Variants in FGF7 observed in about 807,000 individuals in gnomAD.
The protein encoded by FGF7 is FGF-7.
Under a neutral mutation model 20.5 loss-of-function variants are expected in FGF7, and 6 were observed. The observed-to-expected ratio is 0.29, with a 90% confidence interval of 0.16 to 0.58. The LOEUF (loss-of-function observed/expected upper bound fraction) is 0.58, where lower values mean the gene tolerates loss of function less well. Among genes scored for constraint, FGF7 ranks in the 20% least tolerant of loss-of-function variants. The probability of loss-of-function intolerance (pLI) is 0.90; values close to 1 mark genes in which losing one functional copy is unlikely to be tolerated. For synonymous variants in FGF7, 64 were observed against 74.7 expected, an observed-to-expected ratio of 0.86 and a Z score of 0.74; for missense variants, 144 against 228.8, an observed-to-expected ratio of 0.63 and a Z score of 2.39.
At chr15:49,435,508 T>C (rs2051022836) in intron 2 of FGF7, among the ~76,000 whole-genome samples, 1 of 151,574 alleles carries the variant, frequency 6.6e-6, no homozygotes, top group South Asian at 2.1e-4. Context: ...GATATGTCTT[T>C]GTTTTTGCAA....
chr15:49,454,852 G>A (rs1208247806), intron 2 of FGF7, among the ~76,000 whole-genome samples: 3 of 152,004 alleles, frequency 2.0e-5, no homozygotes, highest in Non-Finnish European at 2.9e-5. Context: ...CTCGTGATCC[G>A]CTCGCCTCGG....
chr15:49,444,413 A>C (rs1031139637), intron 2 of FGF7, among the ~76,000 whole-genome samples: 2 of 151,816 alleles, frequency 1.3e-5, no homozygotes, highest in African/African-American at 4.8e-5. Flanking sequence ...AAAGTAAAAA[A>C]GAATATAGAT....
intron 2 of FGF7, among the ~76,000 whole-genome samples, chr15:49,444,961 T>C (rs1445283441): frequency 4.6e-5 from 7 of 151,638 alleles, no homozygotes; most frequent in African/African-American, 1.7e-4. Flanking sequence ...TTAGAACAAA[T>C]ATTCATGTAT....
intron 2 of FGF7, among the ~76,000 whole-genome samples, chr15:49,433,187 C>A (rs974817556): frequency 6.6e-6 from 1 of 151,426 alleles, no homozygotes; most frequent in Non-Finnish European, 1.5e-5. Flanking sequence ...CAATACAGAG[C>A]CAGTAATGGT....
At chr15:49,455,649 AT>A (rs762267798) in intron 2 of FGF7, among the ~76,000 whole-genome samples, 7 of 152,178 alleles carry the variant, frequency 4.6e-5, no homozygotes, top group Non-Finnish European at 1.0e-4. Context: ...AATGTCCTAT[AT>A]TTCTAAACAG....
In FGF7 at chr15:49,455,039, G is replaced by A. The variant is rs569454615; in HGVS notation, c.287-28112G>A. Reference sequence around the variant, plus strand: ...CCTAAACAGCAGTATGATTTAAAGTGTAGTTGGGGGATCACCTGTATTAGG... The same window carrying A: ...CCTAAACAGCAGTATGATTTAAAGTATAGTTGGGGGATCACCTGTATTAGG... On this transcript the variant is annotated intron_variant, in intron 2 of 3. Transcript: ENST00000267843. Among the ~76,000 whole-genome samples the A allele has an allele frequency of 9.1e-4, 138 of 152,306 alleles. 5 individuals are homozygous for A. The South Asian group carries it at 0.027, about 30-fold the overall frequency.
In FGF7 at chr15:49,424,422, C is replaced by G. The variant is rs895834784; in HGVS notation, c.125C>G (p.Thr42Arg). 3 of 1,613,580 alleles carry G rather than the reference C, an allele frequency of 1.9e-6. No individual in the cohort carries two copies. Among genetic ancestry groups the G allele is most frequent in the Non-Finnish European group, 2.5e-6 (3 of 1,179,712 alleles). Reference protein sequence around the residue: ...CNDMTPEQMATNVNCSSPERH... With the variant: ...CNDMTPEQMARNVNCSSPERH... Reference sequence around the variant, plus strand: ...GACATGACTCCAGAGCAAATGGCTACAAATGTGAACTGTTCCAGCCCTGAG... The same window carrying G: ...GACATGACTCCAGAGCAAATGGCTAGAAATGTGAACTGTTCCAGCCCTGAG... Residue 42 changes from threonine to arginine, a missense_variant, in exon 2 of 4, where the codon ACA becomes AGA. This residue lies in a region of FGF7 where 88 missense variants were observed against 103.4 expected (regional missense o/e 0.85). Transcript: ENST00000267843.
At chr15:49,430,565 T>G (rs2050518372) in intron 2 of FGF7, among the ~76,000 whole-genome samples, 1 of 151,814 alleles carries the variant, frequency 6.6e-6, no homozygotes, top group South Asian at 2.1e-4. Context: ...GAAAAGAAAT[T>G]TATTCTTCAC....
At chr15:49,479,325 T>C (rs2152002047) in intron 2 of FGF7, among the ~76,000 whole-genome samples, 1 of 152,268 alleles carries the variant, frequency 6.6e-6, no homozygotes, top group Middle Eastern at 3.4e-3. Flanking sequence ...TGCATCTATG[T>C]AATATGCTTT....
intron 2 of FGF7, among the ~76,000 whole-genome samples, chr15:49,426,526 A>C (rs2050146190): frequency 6.6e-6 from 1 of 151,954 alleles, no homozygotes; most frequent in Non-Finnish European, 1.5e-5. Context: ...CAATATCTTC[A>C]ACTGGAATAC....
At chr15:49,442,455 T>C (rs2051753605) in intron 2 of FGF7, among the ~76,000 whole-genome samples, 1 of 151,752 alleles carries the variant, frequency 6.6e-6, no homozygotes, top group Non-Finnish European at 1.5e-5. Context: ...ATTACTGTTA[T>C]GATTTTCTCC....
chr15:49,450,027 G>C (rs375630289), intron 2 of FGF7, among the ~76,000 whole-genome samples: 14 of 152,204 alleles, frequency 9.2e-5, no homozygotes, highest in African/African-American at 3.4e-4. Flanking sequence ...GCATGAGCCC[G>C]TAAGGAATGG....
intron 3 of FGF7, among the ~76,000 whole-genome samples, chr15:49,483,527 A>T (rs2056140440): frequency 6.6e-6 from 1 of 152,026 alleles, no homozygotes; most frequent in African/African-American, 2.4e-5. Context: ...TTCCATGTGC[A>T]TTTTAGATAT....
chr15:49,428,396 A>G (rs962156132), intron 2 of FGF7, among the ~76,000 whole-genome samples: 1 of 152,048 alleles, frequency 6.6e-6, no homozygotes, highest in African/African-American at 2.4e-5. Context: ...CAGAAGAAGA[A>G]GAGCATTGAG....
chr15:49,432,230 A>G (rs1307738701), intron 2 of FGF7, among the ~76,000 whole-genome samples: 3 of 151,734 alleles, frequency 2.0e-5, no homozygotes, highest in African/African-American at 7.2e-5. Flanking sequence ...GACCAAATTC[A>G]GAATGAACTC....
At chr15:49,428,286 G>T (rs1277433317) in intron 2 of FGF7, among the ~76,000 whole-genome samples, 1 of 151,964 alleles carries the variant, frequency 6.6e-6, no homozygotes, top group African/African-American at 2.4e-5. Context: ...TCCAGGTGAT[G>T]AAACTAGTAT....
intron 2 of FGF7, among the ~76,000 whole-genome samples, chr15:49,462,042 C>G (rs1380206989): frequency 3.9e-5 from 6 of 151,994 alleles, no homozygotes; most frequent in Non-Finnish European, 5.9e-5. Context: ...TTGCTTGAAC[C>G]TGGCAGGTGG....
chr15:49,443,354 T>C (rs1276858205), intron 2 of FGF7, among the ~76,000 whole-genome samples: 2 of 151,510 alleles, frequency 1.3e-5, no homozygotes, highest in African/African-American at 4.8e-5. Context: ...GGTATGCGTC[T>C]GTATATTTCT....
At chr15:49,472,724 A>G (rs953471169) in intron 2 of FGF7, among the ~76,000 whole-genome samples, 4 of 152,186 alleles carry the variant, frequency 2.6e-5, no homozygotes, top group African/African-American at 9.6e-5. Context: ...ACAAGAAGAG[A>G]ATAGAAAGCT....
Sources: gnomAD v4.1 joint callset for allele counts (sites outside exome capture counted in the v4.1 genomes callset) on GRCh38, gnomAD v4.1.1 for gene constraint, gnomAD v4.1.1 regional missense constraint, MANE v1.5 for transcripts, NCBI Gene and HGNC (gene_info 2026-07-23, HGNC 2026-07-21) for gene names.